TRAM2: variants seen among roughly 807,000 people sequenced by gnomAD.
TRAM2 encodes translocation associated membrane protein 2.
TRAM2 carries 12 observed loss-of-function variants against 51.0 expected under a neutral mutation model. The ratio of observed to expected loss-of-function variants is 0.24; its 90% CI spans 0.15 to 0.38. The LOEUF (loss-of-function observed/expected upper bound fraction) is 0.38, where lower values mean the gene tolerates loss of function less well. Ranked by LOEUF, TRAM2 falls within the 10% of genes least tolerant of loss-of-function variation. TRAM2 has a pLI of 1.00. For missense variants in TRAM2, 361 were observed against 462.0 expected, an observed-to-expected ratio of 0.78 and a Z score of 2.00; for synonymous variants, 175 against 179.4, an observed-to-expected ratio of 0.98 and a Z score of 0.20.
chr6:52,531,518 G>A (rs1562481621), intron 2 of TRAM2, among the ~76,000 whole-genome samples: 1 of 152,222 alleles, frequency 6.6e-6, no homozygotes, highest in Non-Finnish European at 1.5e-5. Flanking sequence ...TTCTGGGCCT[G>A]GAGGAGGATT....
chr6:52,514,192 A>G (rs1766500783), intron 4 of TRAM2, among the ~76,000 whole-genome samples: 4 of 152,220 alleles, frequency 2.6e-5, no homozygotes, highest in Non-Finnish European at 5.9e-5. Context: ...CTGCCGATGA[A>G]ATGACTGTGG....
chr6:52,576,994 C>T lies in TRAM2; in HGVS notation c.-79G>A. 1.5e-5 allele frequency: 20 copies of T among 1,333,304 alleles called. No homozygotes were observed. Among genetic ancestry groups the T allele is most frequent in the Non-Finnish European group, 1.9e-5 (20 of 1,047,934 alleles). The allele number at this position is 1,333,304 out of a possible 1,614,324, so 82.6% of individuals were successfully genotyped here. On this transcript the variant is annotated 5_prime_UTR_variant, in exon 1 of 11. Transcript: ENST00000182527. Reference sequence around the variant, plus strand: ...AGCGCAAACTTCTCCAGCACCGGCCCGGTCCGCCCGCCGGCCCGCCGCCCG... The same window carrying T: ...AGCGCAAACTTCTCCAGCACCGGCCTGGTCCGCCCGCCGGCCCGCCGCCCG...
chr6:52,566,375 T>C (rs1767591224), intron 1 of TRAM2, among the ~76,000 whole-genome samples: 1 of 152,138 alleles, frequency 6.6e-6, no homozygotes, highest in African/African-American at 2.4e-5. Context: ...GTTCAGCTGC[T>C]TTGGGGGCTT....
At chr6:52,552,968 T>C (rs539626132) in intron 1 of TRAM2, among the ~76,000 whole-genome samples, 2 of 152,272 alleles carry the variant, frequency 1.3e-5, no homozygotes, top group African/African-American at 4.8e-5. Flanking sequence ...TGCTAAGAGC[T>C]TCATATTCTC....
At chr6:52,509,056 G>C (rs1161103768) in intron 5 of TRAM2, among the ~76,000 whole-genome samples, 2 of 152,172 alleles carry the variant, frequency 1.3e-5, no homozygotes, top group African/African-American at 4.8e-5. Context: ...AAAAAACAAA[G>C]ATCTCGGGAA....
chr6:52,504,128 C>T (rs1235033017), intron 10 of TRAM2, among the ~76,000 whole-genome samples: 1 of 152,238 alleles, frequency 6.6e-6, no homozygotes, highest in Non-Finnish European at 1.5e-5. Context: ...CCCCACCTAG[C>T]ACTATGTCAC....
chr6:52,498,119 T>TGAC lies in TRAM2; in HGVS notation c.*5075_*5077dup, dbSNP rs1012228327. Reference sequence around the variant, plus strand: ...AGAAACCCACCCAGGATCACAAGAATGACAACAAAAGGAAAGTGGCTATTT... The same window carrying TGAC: ...AGAAACCCACCCAGGATCACAAGAATGACGACAACAAAAGGAAAGTGGCTATTT... On this transcript the variant is annotated 3_prime_UTR_variant, in exon 11 of 11. Transcript: ENST00000182527. 2 of 152,460 alleles carry TGAC rather than the reference T, an allele frequency of 1.3e-5. No homozygotes were observed. The highest frequency in any genetic ancestry group is 6.5e-5 in the Admixed American group (1 of 15,280). The allele number at this position is 152,460 out of a possible 1,614,324, so 9.4% of individuals were successfully genotyped here. A position where few individuals can be genotyped will look rare whatever the true frequency, so the allele number is the denominator to read the frequency against.
chr6:52,560,522 T>G (rs1247847466), intron 1 of TRAM2, among the ~76,000 whole-genome samples: 1 of 152,256 alleles, frequency 6.6e-6, no homozygotes. Context: ...TATTCCATTG[T>G]ATGGCTATAC....
At chr6:52,561,646 C>T (rs1310362673) in intron 1 of TRAM2, among the ~76,000 whole-genome samples, 1 of 152,064 alleles carries the variant, frequency 6.6e-6, no homozygotes, top group African/African-American at 2.4e-5. Context: ...CCACCACGCC[C>T]GGCTAATTTT....
At chr6:52,511,066 G>C (rs939689066) in intron 4 of TRAM2, among the ~76,000 whole-genome samples, 6 of 152,252 alleles carry the variant, frequency 3.9e-5, no homozygotes, top group African/African-American at 1.4e-4. Flanking sequence ...ATGGGAAAAT[G>C]AAAAAACAGA....
At chr6:52,514,644 C>T (rs934636134) in intron 4 of TRAM2, among the ~76,000 whole-genome samples, 1 of 152,182 alleles carries the variant, frequency 6.6e-6, no homozygotes, top group African/African-American at 2.4e-5. Context: ...CAAATCTGGT[C>T]GCCACGTGTC....
chr6:52,563,781 T>C (rs1767543030), intron 1 of TRAM2, among the ~76,000 whole-genome samples: 1 of 151,064 alleles, frequency 6.6e-6, no homozygotes, highest in Non-Finnish European at 1.5e-5. Context: ...CTCAATGAAT[T>C]CCTTTTTTAT....
chr6:52,547,295 T>C (rs532782433), intron 1 of TRAM2, among the ~76,000 whole-genome samples: 4 of 152,240 alleles, frequency 2.6e-5, no homozygotes, highest in South Asian at 4.1e-4. Context: ...CAACGGGTAT[T>C]TCTTCAGGAA....
chr6:52,513,388 G>A (rs1766487704), intron 4 of TRAM2, among the ~76,000 whole-genome samples: 1 of 152,198 alleles, frequency 6.6e-6, no homozygotes, highest in Non-Finnish European at 1.5e-5. Context: ...TGGGCACTTA[G>A]TATGTGCCAG....
At position 52,500,545 on chromosome 6, in the gene TRAM2, T is replaced by A. The variant is rs1191102746; in HGVS notation, c.*2652A>T. 1 of 141,052 alleles carries A rather than the reference T, an allele frequency of 7.1e-6. No individual in the cohort carries two copies. Among genetic ancestry groups the A allele is most frequent in the African/African-American group, 2.6e-5 (1 of 38,386 alleles). The allele number at this position is 141,052 out of a possible 1,614,324, so 8.7% of individuals were successfully genotyped here. On this transcript the variant is annotated 3_prime_UTR_variant, in exon 11 of 11. Coordinates refer to ENST00000182527, the MANE Select transcript of TRAM2 (RefSeq NM_012288.4). ...TTTTTTTTGTTTTTTTTTTTTTTTT[T>A]ACATAAAATAAACCCTTAGCACACC...
intron 1 of TRAM2, among the ~76,000 whole-genome samples, chr6:52,569,222 C>T (rs1404974366): frequency 6.6e-6 from 1 of 151,948 alleles, no homozygotes; most frequent in East Asian, 1.9e-4. Flanking sequence ...TAGTGAAACC[C>T]CATCTCCACA....
intron 10 of TRAM2, among the ~76,000 whole-genome samples, chr6:52,503,471 G>C (rs1476431456): frequency 1.3e-5 from 2 of 152,024 alleles, no homozygotes; most frequent in Non-Finnish European, 2.9e-5. Context: ...TCTTCCCCAG[G>C]GCCCTGGACT....
chr6:52,539,929 A>G (rs1767047751), intron 1 of TRAM2, among the ~76,000 whole-genome samples: 1 of 152,140 alleles, frequency 6.6e-6, no homozygotes, highest in South Asian at 2.1e-4. Flanking sequence ...AGCAGCTATA[A>G]TATTTAGTGA....
At chr6:52,545,150 C>T (rs1157853624) in intron 1 of TRAM2, among the ~76,000 whole-genome samples, 1 of 152,192 alleles carries the variant, frequency 6.6e-6, no homozygotes, top group Admixed American at 6.5e-5. Flanking sequence ...TGACTTCATG[C>T]AGGGCAAAGG....
Sources: allele counts gnomAD v4.1 joint callset (sites outside exome capture counted in the v4.1 genomes callset), GRCh38; gene constraint gnomAD v4.1.1; transcripts MANE v1.5; gene names NCBI Gene and HGNC (gene_info 2026-07-23, HGNC 2026-07-21).